PEBP4: variants seen among roughly 807,000 people sequenced by gnomAD.
PEBP4 encodes phosphatidylethanolamine binding protein 4.
In PEBP4, 22 loss-of-function variants were observed where a neutral mutation model predicts 23.9. The ratio of observed to expected loss-of-function variants is 0.92; its 90% CI spans 0.66 to 1.31. PEBP4 has a LOEUF of 1.31. Ranked by LOEUF, PEBP4 falls within the 40% of genes most tolerant of loss-of-function variation. The pLI, the probability that PEBP4 is intolerant of heterozygous loss-of-function variation, is 0.00. For synonymous variants in PEBP4, 112 were observed against 99.3 expected (o/e 1.13, Z -0.76); for missense variants, 324 against 281.7 (o/e 1.15, Z -1.07).
At chr8:22,854,460 G>C (rs536671695) in intron 3 of PEBP4, among the ~76,000 whole-genome samples, 12 of 152,284 alleles carry the variant, frequency 7.9e-5, no homozygotes, top group Non-Finnish European at 1.6e-4. Flanking sequence ...GTAGGGACCA[G>C]TCTCAGGAAC....
chr8:22,890,471 T>C (rs923270205), intron 3 of PEBP4, among the ~76,000 whole-genome samples: 6 of 152,238 alleles, frequency 3.9e-5, no homozygotes, highest in African/African-American at 1.4e-4. Context: ...TGAAATCTGG[T>C]GCATTCTCCA....
chr8:22,731,290 C>G (rs1439762951), intron 4 of PEBP4, among the ~76,000 whole-genome samples: 3 of 152,204 alleles, frequency 2.0e-5, no homozygotes, highest in Non-Finnish European at 4.4e-5. Flanking sequence ...AGACCAACCC[C>G]TTCTCTTCTT....
intron 3 of PEBP4, among the ~76,000 whole-genome samples, chr8:22,857,186 A>T (rs1378872216): frequency 6.6e-6 from 1 of 152,026 alleles, no homozygotes; most frequent in Non-Finnish European, 1.5e-5. Flanking sequence ...TTAAAAAAAA[A>T]TCTGGGTAGT....
At chr8:22,738,633 C>G (rs1804921625) in intron 4 of PEBP4, among the ~76,000 whole-genome samples, 1 of 151,890 alleles carries the variant, frequency 6.6e-6, no homozygotes, top group Non-Finnish European at 1.5e-5. Flanking sequence ...GAGCACAAGT[C>G]ACACACACAC....
intron 3 of PEBP4, among the ~76,000 whole-genome samples, chr8:22,917,673 C>A (rs1199588195): frequency 6.6e-6 from 1 of 152,210 alleles, no homozygotes; most frequent in African/African-American, 2.4e-5. Flanking sequence ...CTTATCTGAT[C>A]AATCACACCT....
intron 1 of PEBP4, among the ~76,000 whole-genome samples, chr8:22,933,544 A>G (rs191351250): frequency 3.9e-5 from 6 of 152,374 alleles, no homozygotes; most frequent in East Asian, 3.9e-4. Flanking sequence ...AAAGTTGTCA[A>G]TTAAGAATTC....
intron 1 of PEBP4, among the ~76,000 whole-genome samples, chr8:22,940,036 G>A (rs1421646436): frequency 2.6e-5 from 4 of 152,230 alleles, no homozygotes; most frequent in Admixed American, 6.5e-5. Context: ...ATCACCTGCC[G>A]TCATGTCACC....
intron 3 of PEBP4, among the ~76,000 whole-genome samples, chr8:22,873,517 G>A (rs1381736697): frequency 6.6e-6 from 1 of 152,092 alleles, no homozygotes; most frequent in East Asian, 1.9e-4. Context: ...TGTAGTCCCA[G>A]CTACTCAATG....
chr8:22,826,312 G>T (rs1806967589), intron 3 of PEBP4, among the ~76,000 whole-genome samples: 2 of 152,230 alleles, frequency 1.3e-5, no homozygotes, highest in South Asian at 4.1e-4. Context: ...CGGCAAGGCT[G>T]CGGGGAAACT....
intron 3 of PEBP4, among the ~76,000 whole-genome samples, chr8:22,867,238 G>A (rs1807922734): frequency 6.6e-6 from 1 of 152,170 alleles, no homozygotes; most frequent in South Asian, 2.1e-4. Context: ...TGAAAAAGCT[G>A]GATGTAGGAC....
chr8:22,737,020 A>G (rs1318661340), intron 4 of PEBP4, among the ~76,000 whole-genome samples: 1 of 152,196 alleles, frequency 6.6e-6, no homozygotes, highest in Non-Finnish European at 1.5e-5. Context: ...AAGGCCGGGC[A>G]TGGTGGCTCA....
chr8:22,764,518 T>C (rs1299648174), intron 4 of PEBP4, among the ~76,000 whole-genome samples: 2 of 152,188 alleles, frequency 1.3e-5, no homozygotes, highest in African/African-American at 4.8e-5. Context: ...ACCGGTGTAG[T>C]TGCCCAATGC....
At chr8:22,884,183 C>T (rs1234532577) in intron 3 of PEBP4, 1 of 152,228 alleles carries the variant, frequency 6.6e-6, no homozygotes, top group Non-Finnish European at 1.5e-5. Context: ...GGCTCCCACA[C>T]AGAGAGCAGA....
chr8:22,858,492 T>C (rs1430024576), intron 3 of PEBP4, among the ~76,000 whole-genome samples: 2 of 152,216 alleles, frequency 1.3e-5, no homozygotes, highest in Non-Finnish European at 2.9e-5. Context: ...GAGTATTAAG[T>C]ATCTCATCCT....
chr8:22,816,660 T>G (rs1806746556), intron 4 of PEBP4, among the ~76,000 whole-genome samples: 1 of 152,248 alleles, frequency 6.6e-6, no homozygotes, highest in African/African-American at 2.4e-5. Context: ...CAGAGGTCAC[T>G]GGGTTGGTAG....
chr8:22,795,539 G>T (rs536419090), intron 4 of PEBP4, among the ~76,000 whole-genome samples: 4 of 151,990 alleles, frequency 2.6e-5, no homozygotes, highest in Non-Finnish European at 5.9e-5. Context: ...TATTAGTCTT[G>T]TTTCACAACA....
At chr8:22,815,377 C>T (rs987700992) in intron 4 of PEBP4, among the ~76,000 whole-genome samples, 3 of 152,170 alleles carry the variant, frequency 2.0e-5, no homozygotes, top group African/African-American at 4.8e-5. Flanking sequence ...TTAACAAGCT[C>T]GTCTGCCAAT....
chr8:22,925,138 A>G, intron 2 of PEBP4: 4 of 985,354 alleles, frequency 4.1e-6, no homozygotes, highest in Non-Finnish European at 4.8e-6. Context: ...ATCATTCATG[A>G]TGCTCTCTTC....
chr8:22,902,468 T>G (rs10098864), intron 3 of PEBP4, among the ~76,000 whole-genome samples: 4,917 of 152,128 alleles, frequency 0.032, 257 homozygotes, highest in African/African-American at 0.11. Flanking sequence ...TAGGGTGCTC[T>G]GAATGTGTCC....
Sources: allele counts gnomAD v4.1 joint callset (sites outside exome capture counted in the v4.1 genomes callset), GRCh38; gene constraint gnomAD v4.1.1; transcripts MANE v1.5; gene names NCBI Gene and HGNC (gene_info 2026-07-23, HGNC 2026-07-21).